SLC26A7: variants seen among roughly 807,000 people sequenced by gnomAD.
SLC26A7 encodes the protein anion exchange transporter.
A neutral mutation model predicts 82.5 loss-of-function variants in SLC26A7; 59 were observed. The ratio of observed to expected loss-of-function variants is 0.72; its 90% CI spans 0.58 to 0.89. SLC26A7 has a LOEUF of 0.89. Among genes scored for constraint, SLC26A7 ranks in the 40% least tolerant of loss-of-function variants. SLC26A7 has a pLI of 0.00. For missense variants in SLC26A7, 820 were observed against 793.0 expected (o/e 1.03, Z -0.41); for synonymous variants, 271 against 274.3 (o/e 0.99, Z 0.12).
rs562632946 is a variant in SLC26A7, at chr8:91,287,632, T to A, written c.194-1504T>A. 5.3e-5 allele frequency among the ~76,000 whole-genome samples: 8 copies of A among 152,330 alleles called. No homozygotes were observed. In the East Asian group the frequency reaches 1.5e-3, roughly 29 times the overall value. ...AGTGCGAGCTACATTTTTTTCTTGC[T>A]TAGGAACACTCTGCATTTCTGTCTC... is the stretch of plus-strand genomic sequence containing the variant. On this transcript the variant is annotated intron_variant, in intron 2 of 18. Coordinates refer to ENST00000276609, the MANE Select transcript of SLC26A7 (RefSeq NM_052832.4).
intron 4 of SLC26A7, among the ~76,000 whole-genome samples, chr8:91,315,741 G>T (rs1298392736): frequency 6.6e-6 from 1 of 152,148 alleles, no homozygotes; most frequent in African/African-American, 2.4e-5. Flanking sequence ...TACAGAGTTA[G>T]AAAATGTAGT....
chr8:91,381,625 A>G (rs2130895279), intron 15 of SLC26A7, among the ~76,000 whole-genome samples: 1 of 152,242 alleles, frequency 6.6e-6, no homozygotes, highest in African/African-American at 2.4e-5. Flanking sequence ...GGGCATGATC[A>G]CCTTTGCTGG....
At chr8:91,281,521 G>A (rs79482364) in intron 2 of SLC26A7, among the ~76,000 whole-genome samples, 3,438 of 152,166 alleles carry the variant, frequency 0.023, 111 homozygotes, top group African/African-American at 0.077. Context: ...GGTATCCCGG[G>A]GTGTCCTAGA....
chr8:91,279,208 T>A (rs1242903650), intron 2 of SLC26A7, among the ~76,000 whole-genome samples: 2 of 145,842 alleles, frequency 1.4e-5, no homozygotes, highest in African/African-American at 5.0e-5. Flanking sequence ...TGATGGACAC[T>A]TAAGTTGATT....
At position 91,295,666 on chromosome 8, in the gene SLC26A7, T is replaced by C; in HGVS notation, c.440T>C (p.Val147Ala). The C allele has an allele frequency of 1.9e-6, 3 of 1,614,026 alleles. No individual in the cohort carries two copies. Among genetic ancestry groups the C allele is most frequent in the Non-Finnish European group, 2.5e-6 (3 of 1,179,934 alleles). The stretch of plus-strand genomic sequence containing the variant: ...GACTTTGAAATGCAAAGGATCCACG[T>C]TGCTGCAGCAGTTTCCTTCTTGGGA... Reference protein sequence around the residue: ...LSDFEMQRIHVAAAVSFLGGV... With the variant: ...LSDFEMQRIHAAAAVSFLGGV... Residue 147 changes from valine to alanine, a missense_variant, in exon 4 of 19, where the codon GTT becomes GCT. Physicochemically the swap from Val to Ala is moderately conservative, Grantham distance 64. Transcript: ENST00000276609.
chr8:91,252,377 TCTTTA>T (rs1489243143), intron 2 of SLC26A7, among the ~76,000 whole-genome samples: 4 of 152,202 alleles, frequency 2.6e-5, no homozygotes, highest in Non-Finnish European at 4.4e-5. Context: ...ATAAAGTAAA[TCTTTA>T]CTTTATTAAA....
At chr8:91,305,324 C>T (rs1812275871) in intron 4 of SLC26A7, among the ~76,000 whole-genome samples, 1 of 151,884 alleles carries the variant, frequency 6.6e-6, no homozygotes, top group Non-Finnish European at 1.5e-5. Flanking sequence ...TAGTAATAAA[C>T]TTATACTTCT....
chr8:91,312,167 A>G (rs1169690009), intron 4 of SLC26A7, among the ~76,000 whole-genome samples: 1 of 151,960 alleles, frequency 6.6e-6, no homozygotes. Context: ...TGTCTCTGTG[A>G]TTTTGACTAA....
intron 2 of SLC26A7, among the ~76,000 whole-genome samples, chr8:91,232,266 T>A (rs997404713): frequency 1.3e-5 from 2 of 152,210 alleles, no homozygotes; most frequent in Non-Finnish European, 2.9e-5. Flanking sequence ...ATGCTATTTT[T>A]ATTTCCCATA....
chr8:91,266,395 T>C (rs770663662), intron 2 of SLC26A7, among the ~76,000 whole-genome samples: 1 of 151,978 alleles, frequency 6.6e-6, no homozygotes, highest in Non-Finnish European at 1.5e-5. Flanking sequence ...TTGGGTCTTC[T>C]TCAATTTATT....
chr8:91,248,329 C>T (rs2130693284), upstream of SLC26A7, among the ~76,000 whole-genome samples: 1 of 152,178 alleles, frequency 6.6e-6, no homozygotes, highest in Non-Finnish European at 1.5e-5. Flanking sequence ...GAGAGCAACT[C>T]TTCACTTTAA....
Position 91,394,032 on chromosome 8 carries a change from C to T in SLC26A7, c.1928C>T (p.Ser643Leu). ...SVSAAISHIH[S>L]NKNLSKLSDH... ...TCTGCTGCAATAAGTCATATCCATT[C>T]AAATAAGGTGAGTTGATTAAGTTGG... Residue 643 changes from serine (S) to leucine (L), a missense_variant, in exon 18 of 19, where the codon TCA (serine) becomes TTA (leucine). By Grantham distance (145) the Ser-to-Leu change is moderately radical. Coordinates refer to ENST00000276609, the MANE Select transcript of SLC26A7 (RefSeq NM_052832.4). 1 of 1,612,550 alleles carries T rather than the reference C, an allele frequency of 6.2e-7. No homozygotes were observed. The highest frequency in any genetic ancestry group is 8.5e-7 in the Non-Finnish European group (1 of 1,178,914).
intron 1 of SLC26A7, chr8:91,218,843 A>C: frequency 8.5e-7 from 1 of 1,180,596 alleles, no homozygotes; most frequent in Non-Finnish European, 1.2e-6. Flanking sequence ...AATGAAAAAT[A>C]CTTATTGAAC....
chr8:91,210,777 A>G (rs1024632782), intron 1 of SLC26A7, among the ~76,000 whole-genome samples: 5 of 152,148 alleles, frequency 3.3e-5, no homozygotes, highest in Non-Finnish European at 5.9e-5. Context: ...TGGATTAAAA[A>G]CATAATGGTT....
intron 2 of SLC26A7, among the ~76,000 whole-genome samples, chr8:91,262,421 T>C (rs1328750669): frequency 1.3e-5 from 2 of 152,000 alleles, no homozygotes; most frequent in African/African-American, 4.8e-5. Flanking sequence ...ATGATAGATC[T>C]GTGTTTTCTA....
Position 91,295,588 on chromosome 8 carries a change from A to G in SLC26A7, c.362A>G (p.Gln121Arg), listed in dbSNP as rs1811994162. 6.2e-7 allele frequency: 1 copy of G among 1,613,986 alleles called. No individual in the cohort carries two copies. The highest frequency in any genetic ancestry group is 8.5e-7 in the Non-Finnish European group (1 of 1,179,962). ...AACGCCGTGGAACGGATTGTCCCTCAGAACATGCAGAATCTCACCACACAG... is the reference window on the plus strand; with the variant it reads ...AACGCCGTGGAACGGATTGTCCCTCGGAACATGCAGAATCTCACCACACAG... ...SANAVERIVP[Q>R]NMQNLTTQSN... The change falls in exon 4 of 19, where the codon CAG (glutamine) becomes CGG (arginine). Residue 121 changes from glutamine to arginine, a missense_variant. Gln to Arg is a conservative substitution (Grantham distance 43). Coordinates refer to ENST00000276609, the MANE Select transcript of SLC26A7 (RefSeq NM_052832.4).
rs1271579072 is a variant in SLC26A7, at chr8:91,317,158, T to TA, written c.478-1049dup. Reference sequence around the variant, plus strand: ...CTGGGAGACAGAGTGAGACCTTATCTAAAAAAAAAGAAAAAGGAAAAAAGA... The same window carrying TA: ...CTGGGAGACAGAGTGAGACCTTATCTAAAAAAAAAAGAAAAAGGAAAAAAGA... On this transcript the variant is annotated intron_variant, in intron 4 of 18. Coordinates refer to ENST00000276609, the MANE Select transcript of SLC26A7 (RefSeq NM_052832.4). 6.0e-5 allele frequency among the ~76,000 whole-genome samples: 9 copies of TA among 150,130 alleles called. No individual in the cohort carries two copies. In the East Asian group the frequency reaches 7.8e-4, roughly 13 times the overall value.
chr8:91,368,418 T>TTG (rs773101662), intron 14 of SLC26A7, among the ~76,000 whole-genome samples: 19 of 151,404 alleles, frequency 1.3e-4, no homozygotes, highest in Admixed American at 3.3e-4. Context: ...ATGAGGTTTT[T>TTG]TTTTTTGTTT....
chr8:91,259,490 G>A (rs1423382638), intron 2 of SLC26A7, among the ~76,000 whole-genome samples: 6 of 152,018 alleles, frequency 3.9e-5, no homozygotes, highest in Non-Finnish European at 5.9e-5. Context: ...GGCAGTTATG[G>A]CTATAAATTG....
Sources: gnomAD v4.1 joint callset for allele counts (sites outside exome capture counted in the v4.1 genomes callset) on GRCh38, gnomAD v4.1.1 for gene constraint, MANE v1.5 for transcripts, NCBI Gene and HGNC (gene_info 2026-07-23, HGNC 2026-07-21) for gene names.